CSMD3: variants seen among roughly 807,000 people sequenced by gnomAD.
The protein encoded by CSMD3 is CUB and sushi domain-containing protein 3.
CSMD3 carries 177 observed loss-of-function variants against 435.2 expected under a neutral mutation model. The observed-to-expected ratio is 0.41, with a 90% CI of 0.36 to 0.46. The LOEUF (loss-of-function observed/expected upper bound fraction) is 0.46, where lower values mean the gene tolerates loss of function less well. Ranked by LOEUF, CSMD3 falls within the 20% of genes least tolerant of loss-of-function variation. The probability of loss-of-function intolerance (pLI) is 0.34; values close to 1 mark genes in which losing one functional copy is unlikely to be tolerated. For synonymous variants in CSMD3, 1,656 were observed against 1,520.5 expected, an observed-to-expected ratio of 1.09 and a Z score of -2.07; for missense variants, 4,265 against 4,504.6, an observed-to-expected ratio of 0.95 and a Z score of 1.52.
At chr8:113,183,274 T>G (rs188733193) in intron 3 of CSMD3, among the ~76,000 whole-genome samples, 208 of 152,182 alleles carry the variant, frequency 1.4e-3, no homozygotes, top group Non-Finnish European at 2.1e-3. Context: ...GTTTGGTGCT[T>G]GAAAATTGAC....
At chr8:112,930,753 A>C (rs1213278641) in intron 9 of CSMD3, among the ~76,000 whole-genome samples, 2 of 152,136 alleles carry the variant, frequency 1.3e-5, no homozygotes, top group South Asian at 4.1e-4. Context: ...TTTGTGAATG[A>C]TATTTAAAGT....
intron 2 of CSMD3, among the ~76,000 whole-genome samples, chr8:113,293,354 T>C (rs927821292): frequency 1.3e-5 from 2 of 151,956 alleles, no homozygotes; most frequent in Non-Finnish European, 2.9e-5. Flanking sequence ...GAAGCTATTA[T>C]TTCTCCTTTC....
intron 32 of CSMD3, among the ~76,000 whole-genome samples, chr8:112,412,551 T>C (rs775091919): frequency 2.0e-5 from 3 of 152,140 alleles, no homozygotes; most frequent in Non-Finnish European, 4.4e-5. Context: ...TTAAACATAA[T>C]AGATGTTAAA....
intron 61 of CSMD3, among the ~76,000 whole-genome samples, chr8:112,260,907 C>T (rs1816324187): frequency 6.6e-6 from 1 of 152,070 alleles, no homozygotes; most frequent in Non-Finnish European, 1.5e-5. Flanking sequence ...TTCTCCACTA[C>T]TCAATATATC....
chr8:112,352,681 T>A, intron 38 of CSMD3, 147 bp from the exon 39 acceptor site: 2 of 724,720 alleles, frequency 2.8e-6, no homozygotes, highest in Non-Finnish European at 4.9e-6. Flanking sequence ...GAACAAGATT[T>A]AACTGTAGAT....
chr8:112,418,976 G>A (rs1812194355), intron 32 of CSMD3, among the ~76,000 whole-genome samples: 1 of 152,084 alleles, frequency 6.6e-6, no homozygotes, highest in Admixed American at 6.6e-5. Flanking sequence ...TCAGATGTGT[G>A]TCCCATTCCC....
intron 2 of CSMD3, among the ~76,000 whole-genome samples, chr8:113,294,123 G>A (rs888212299): frequency 4.6e-5 from 7 of 151,886 alleles, no homozygotes. Context: ...GAATTACATT[G>A]CCAAATATAT....
At chr8:112,381,828 C>T (rs1344756077) in intron 37 of CSMD3, among the ~76,000 whole-genome samples, 3 of 152,186 alleles carry the variant, frequency 2.0e-5, no homozygotes, top group Admixed American at 6.5e-5. Flanking sequence ...CCTCAGGCAA[C>T]TTAATCTCTC....
intron 61 of CSMD3, among the ~76,000 whole-genome samples, chr8:112,257,783 T>C (rs1815950601): frequency 6.6e-6 from 1 of 152,188 alleles, no homozygotes; most frequent in Admixed American, 6.5e-5. Flanking sequence ...AAAACTACTT[T>C]AAACTTCAAA....
At chr8:113,202,598 CA>C (rs1479192420) in intron 3 of CSMD3, among the ~76,000 whole-genome samples, 1 of 151,936 alleles carries the variant, frequency 6.6e-6, no homozygotes, top group Non-Finnish European at 1.5e-5. Flanking sequence ...GAAAAATTTC[CA>C]AAAAGCAATA....
intron 1 of CSMD3, among the ~76,000 whole-genome samples, chr8:113,434,270 C>A (rs79855638): frequency 0.018 from 2,810 of 152,278 alleles, 97 homozygotes; most frequent in African/African-American, 0.062. Flanking sequence ...TTAGAACCTG[C>A]AAAATCCTTA....
intron 3 of CSMD3, among the ~76,000 whole-genome samples, chr8:113,233,794 T>C (rs550348511): frequency 1.3e-5 from 2 of 152,178 alleles, no homozygotes; most frequent in African/African-American, 2.4e-5. Context: ...GCAATAAGCA[T>C]AATTTTTTAC....
chr8:112,648,532 G>A (rs550227951), intron 19 of CSMD3, among the ~76,000 whole-genome samples: 1 of 152,230 alleles, frequency 6.6e-6, no homozygotes, highest in East Asian at 1.9e-4. Context: ...TTAGTCATTT[G>A]AGCTTTCATT....
chr8:113,118,260 C>A (rs1245337446), intron 4 of CSMD3, among the ~76,000 whole-genome samples: 1 of 152,134 alleles, frequency 6.6e-6, no homozygotes, highest in Non-Finnish European at 1.5e-5. Flanking sequence ...ACAACTTTAT[C>A]TTACATACCT....
rs1410953034 is a variant in CSMD3 at position 113,399,914 on chromosome 8, G to T, written c.178+36763C>A. Among the ~76,000 whole-genome samples the T allele has an allele frequency of 2.0e-5, 3 of 150,842 alleles. No individual in the cohort carries two copies. The South Asian group carries it at 6.3e-4, about 31-fold the overall frequency. ...CCTTTCCATATATTGTTGATTATTT[G>T]TATTGGCTAGAATTATATTTACCTC... On this transcript the variant is annotated intron_variant, in intron 1 of 70. Coordinates refer to ENST00000297405, the MANE Select transcript of CSMD3 (RefSeq NM_198123.2).
intron 22 of CSMD3, among the ~76,000 whole-genome samples, chr8:112,609,269 A>G (rs1333240298): frequency 6.6e-6 from 1 of 150,664 alleles, no homozygotes; most frequent in East Asian, 1.9e-4. Flanking sequence ...TATACTCGAT[A>G]AAGGGTTAAT....
At chr8:113,285,696 A>G (rs1219269747) in intron 2 of CSMD3, among the ~76,000 whole-genome samples, 1 of 152,208 alleles carries the variant, frequency 6.6e-6, no homozygotes, top group Non-Finnish European at 1.5e-5. Flanking sequence ...TTTCAGGCAG[A>G]TATTTTTAAT....
chr8:112,295,508 T>C (rs1256369593), intron 54 of CSMD3, among the ~76,000 whole-genome samples: 1 of 152,066 alleles, frequency 6.6e-6, no homozygotes, highest in Non-Finnish European at 1.5e-5. Context: ...CACAGTGGTC[T>C]CTAGAAATTT....
chr8:113,307,087 G>A (rs566323652), intron 2 of CSMD3, among the ~76,000 whole-genome samples: 1 of 151,876 alleles, frequency 6.6e-6, no homozygotes, highest in African/African-American at 2.4e-5. Context: ...GACCAAGAAG[G>A]TATAAAAATA....
Sources: allele counts gnomAD v4.1 joint callset (sites outside exome capture counted in the v4.1 genomes callset), GRCh38; gene constraint gnomAD v4.1.1; transcripts MANE v1.5; gene names NCBI Gene and HGNC (gene_info 2026-07-23, HGNC 2026-07-21).